Variants in DLL1 observed in about 807,000 individuals in gnomAD.
DLL1 encodes delta-like protein 1.
In DLL1, 9 loss-of-function variants were observed where a neutral mutation model predicts 75.1. The ratio of observed to expected loss-of-function variants is 0.12; its 90% CI spans 0.07 to 0.21. DLL1 has a LOEUF of 0.21. Among genes scored for constraint, DLL1 ranks in the 10% least tolerant of loss-of-function variants. The pLI is 1.00. For missense variants in DLL1, 837 were observed against 1,007.6 expected (o/e 0.83, Z 2.29); for synonymous variants, 477 against 418.3 (o/e 1.14, Z -1.71).
chr6:170,282,662 G>C lies in DLL1; in HGVS notation c.*212C>G, dbSNP rs1473046800. 1.9e-5 allele frequency: 13 copies of C among 696,880 alleles called. No homozygotes were observed. The highest frequency in any genetic ancestry group is 3.3e-5 in the Non-Finnish European group (13 of 395,022). The allele number at this position is 696,880 out of a possible 1,614,324, so 43.2% of individuals were successfully genotyped here. On this transcript the variant is annotated 3_prime_UTR_variant, in exon 11 of 11. Transcript: ENST00000366756. The stretch of plus-strand genomic sequence containing the variant: ...CAACTGTCCATAGTGCAACGGCGAC[G>C]TCACGGAAGGCAGTGCCGCAGGCGG...
chr6:170,285,824 A>G, intron 5 of DLL1, 125 bp from the exon 6 acceptor site: 1 of 1,400,490 alleles, frequency 7.1e-7, no homozygotes, highest in Non-Finnish European at 1.0e-6. Context: ...TTAGCAGAAC[A>G]CTGGGTCACC....
chr6:170,290,780 C>T lies in DLL1; in HGVS notation c.-641G>A, dbSNP rs1054860623. ...TGTCACAGCAAAGATCCGCGTCTTT[C>T]CGATGAATCCAGCCAATGCCATCCA... On this transcript the variant is annotated 5_prime_UTR_variant, in exon 1 of 11. Coordinates refer to ENST00000366756, the MANE Select transcript of DLL1 (RefSeq NM_005618.4). This position sits in a 1 kb window ranked among gnomAD's most constrained non-coding sequence, Gnocchi z 4.7. 6 of 530,778 alleles carry T rather than the reference C, an allele frequency of 1.1e-5. No homozygotes were observed. The highest frequency in any genetic ancestry group is 2.0e-5 in the Non-Finnish European group (6 of 297,778). The allele number at this position is 530,778 out of a possible 1,614,324, so 32.9% of individuals were successfully genotyped here. A position where few individuals can be genotyped will look rare whatever the true frequency, so the allele number is the denominator to read the frequency against.
intron 7 of DLL1, 49 bp downstream of exon 7, chr6:170,285,205 C>G (rs776588190): frequency 6.2e-7 from 1 of 1,613,972 alleles, no homozygotes; most frequent in Non-Finnish European, 8.5e-7. Flanking sequence ...CCATTCAACA[C>G]CAGGGCACCC....
rs1783668023 is a variant in DLL1 at position 170,285,122 on chromosome 6, C to G, written c.1046G>C (p.Ser349Thr). Residue 349 changes from serine (S) to threonine (T), a missense_variant, in exon 8 of 11, where the codon AGC becomes ACC. Physicochemically the swap from Ser to Thr is moderately conservative, Grantham distance 58 (BLOSUM62 1). Transcript: ENST00000366756. ...GCCGGGTGGGCAGGTACAGGAGTAG[C>G]TGTTCTCGAGATCCTACACGATGGA... ...NGGSCTDLEN[S>T]YSCTCPPGFY... is the part of the protein sequence containing the mutation. 1.9e-6 allele frequency: 3 copies of G among 1,613,080 alleles called. No homozygotes were observed. Among genetic ancestry groups the G allele is most frequent in the Non-Finnish European group, 2.5e-6 (3 of 1,179,746 alleles).
intron 5 of DLL1, 75 bp from the exon 6 acceptor site, chr6:170,285,774 C>A: frequency 6.3e-7 from 1 of 1,597,120 alleles, no homozygotes; most frequent in Non-Finnish European, 8.6e-7. Flanking sequence ...ACCCTAGAAA[C>A]CATCTTCCCG....
In DLL1 at chr6:170,289,661, G is replaced by T; in HGVS notation, c.202C>A (p.Gln68Lys). ...GGCGGCTCGGGGGACACGCTGGCCT[G>T]GTAGTGCTTGAGGCACACGCGGAAG... Reference protein sequence around the residue: ...TFFRVCLKHYQASVSPEPPCT... With the variant: ...TFFRVCLKHYKASVSPEPPCT... Residue 68 changes from glutamine (Q) to lysine (K), a missense_variant, in exon 2 of 11, where the codon CAG (glutamine) becomes AAG (lysine). By Grantham distance (53) the Gln-to-Lys change is moderately conservative (BLOSUM62 1). Transcript: ENST00000366756. 1 of 1,542,516 alleles carries T rather than the reference G, an allele frequency of 6.5e-7. No individual in the cohort carries two copies. Among genetic ancestry groups the T allele is most frequent in the Non-Finnish European group, 8.7e-7 (1 of 1,146,476 alleles).
rs971799017 is a variant in DLL1, at chr6:170,290,407, C to T, written c.-268G>A. 6 of 410,410 alleles carry T rather than the reference C, an allele frequency of 1.5e-5. No homozygotes were observed. Among genetic ancestry groups the T allele is most frequent in the Non-Finnish European group, 2.6e-5 (6 of 233,772 alleles). The allele number at this position is 410,410 out of a possible 1,614,324, so 25.4% of individuals were successfully genotyped here. A position where few individuals can be genotyped will look rare whatever the true frequency, so the allele number is the denominator to read the frequency against. ...CAGCTCTCGGGGGACAGCGCGGCGG[C>T]GGCGACTTTCGTTTTCCTCCTTCCT... On this transcript the variant is annotated 5_prime_UTR_variant, in exon 1 of 11. Coordinates refer to ENST00000366756, the MANE Select transcript of DLL1 (RefSeq NM_005618.4). The surrounding 1 kb of genome is among the most constrained non-coding windows in gnomAD (Gnocchi z 4.7).
chr6:170,290,206 CG>C lies in DLL1; in HGVS notation c.-68del. 3.2e-6 allele frequency: 5 copies of C among 1,561,602 alleles called. No individual in the cohort carries two copies. The highest frequency in any genetic ancestry group is 4.3e-6 in the Non-Finnish European group (5 of 1,158,178). Reference sequence around the variant, plus strand: ...TCTCCTTAGAACAGCGGCGGACGCGCGGGGGATCGATGGGCCACGGGGAGCG... The same window carrying C: ...TCTCCTTAGAACAGCGGCGGACGCGCGGGGATCGATGGGCCACGGGGAGCG... On this transcript the variant is annotated 5_prime_UTR_variant, in exon 1 of 11. Transcript: ENST00000366756. This position sits in a 1 kb window ranked among gnomAD's most constrained non-coding sequence, Gnocchi z 4.7.
intron 5 of DLL1, 116 bp from the exon 6 acceptor site, chr6:170,285,815 T>A (rs1213156675): frequency 1.4e-6 from 2 of 1,457,276 alleles, no homozygotes; most frequent in African/African-American, 1.4e-5. Context: ...TTCTCCAGAT[T>A]AGCAGAACAC....
Position 170,284,039 on chromosome 6 carries a change from A to G in DLL1, c.1250-10T>C. 1 of 1,559,420 alleles carries G rather than the reference A, an allele frequency of 6.4e-7. No homozygotes were observed. Among genetic ancestry groups the G allele is most frequent in the Non-Finnish European group, 8.6e-7 (1 of 1,160,594 alleles). ...TCCACACACTTGGCACCTGGAACAC[A>G]GGGACATGAACATCACGTGTCTCCT... On this transcript the variant is annotated splice_polypyrimidine_tract_variant and intron_variant, in intron 8 of 10. Transcript: ENST00000366756.
rs138216897 is a variant in DLL1, at chr6:170,284,974, G to A, written c.1194C>T (p.Ser398=). The A allele has an allele frequency of 1.1e-3, 1,807 of 1,614,162 alleles. 17 individuals carry two copies. The South Asian group carries it at 0.013, about 12-fold the overall frequency. The change falls in exon 8 of 11, where the codon TCC becomes TCT. Residue 398 remains serine, a synonymous_variant. Coordinates refer to ENST00000366756, the MANE Select transcript of DLL1 (RefSeq NM_005618.4). ...CAATTTTCTTCTCACAGTTGAAGCC[G>A]GAGTAGCCCACGGGGCAGCGGCAGC... is the stretch of plus-strand genomic sequence containing the variant. ...GYSCRCPVGY[S]GFNCEKKIDY...
At position 170,283,325 on chromosome 6, in the gene DLL1, TGTC is replaced by T. The variant is rs749115086; in HGVS notation, c.1951_1953del (p.Asp651del). On this transcript the variant is annotated inframe_deletion, in exon 9 of 11. Transcript: ENST00000366756. Reference sequence around the variant, plus strand: ...TTGCTGTGCGCGTCCCTGACGGCGGTGTCGTCACCCTTGAGGTCCTGCACGAGG... The same window carrying T: ...TTGCTGTGCGCGTCCCTGACGGCGGTGTCACCCTTGAGGTCCTGCACGAGG... The T allele has an allele frequency of 3.1e-6, 5 of 1,613,142 alleles. No individual in the cohort carries two copies. The South Asian group carries it at 4.4e-5, about 14-fold the overall frequency.
In DLL1 at chr6:170,283,677, C is replaced by T. The variant is rs112085629; in HGVS notation, c.1602G>A (p.Glu534=). 32 of 1,573,236 alleles carry T rather than the reference C, an allele frequency of 2.0e-5. No individual in the cohort carries two copies. The African/African-American group carries it at 2.4e-4, about 12-fold the overall frequency. ...ATGGCCCGCCCTGGCCCTCTAGCTT[C>T]TCAGTGAGGTCCACCACCGCTGGGC... ...PPGPAVVDLT[E]KLEGQGGPFP... is the part of the protein sequence containing the mutation. The change falls in exon 9 of 11, where the codon GAG becomes GAA. Residue 534 remains glutamate, a synonymous_variant. Transcript: ENST00000366756.
In DLL1 at chr6:170,285,064, C is replaced by T; in HGVS notation, c.1104G>A (p.Met368Ile). 1.2e-6 allele frequency: 2 copies of T among 1,614,182 alleles called. No homozygotes were observed. The highest frequency in any genetic ancestry group is 8.5e-7 in the Non-Finnish European group (1 of 1,180,038). The change falls in exon 8 of 11, where the codon ATG becomes ATA. Residue 368 changes from methionine to isoleucine, a missense_variant. Coordinates refer to ENST00000366756, the MANE Select transcript of DLL1 (RefSeq NM_005618.4). ...FYGKICELSA[M>I]TCADGPCFNG... The stretch of plus-strand genomic sequence containing the variant: ...TAAAGCAAGGGCCGTCCGCACAGGT[C>T]ATGGCACTCAATTCACAGATTTTGC...
In DLL1 at chr6:170,290,055, G is replaced by A. The variant is rs562700561; in HGVS notation, c.54+31C>T. On this transcript the variant is annotated intron_variant, in intron 1 of 10. Coordinates refer to ENST00000366756, the MANE Select transcript of DLL1 (RefSeq NM_005618.4). This position sits in a 1 kb window ranked among gnomAD's most constrained non-coding sequence, Gnocchi z 4.7. ...GCCCCGGCTACCCGTGAGACCCCGC[G>A]GGGCCGCGGCGCCCCCACCTGCCCG... The A allele has an allele frequency of 2.6e-6, 4 of 1,566,500 alleles. No individual in the cohort carries two copies. The highest frequency in any genetic ancestry group is 3.7e-4 in the Middle Eastern group (2 of 5,422).
At chr6:170,283,196 G>A (rs753211947) in intron 9 of DLL1, 35 bp downstream of exon 9, 3 of 1,613,168 alleles carry the variant, frequency 1.9e-6, no homozygotes, top group Non-Finnish European at 2.5e-6. Context: ...CACCCCCCAG[G>A]TACCCCCTCC....
rs1384965214 is a variant in DLL1, at chr6:170,288,442, C to A, written c.467G>T (p.Gly156Val). The A allele has an allele frequency of 6.2e-7, 1 of 1,614,028 alleles. No individual in the cohort carries two copies. The highest frequency in any genetic ancestry group is 8.5e-7 in the Non-Finnish European group (1 of 1,180,038). ...GTGCAGGTCCTGGGACCACTCCTCG[C>A]CCACCGTCAGGTGCCTCTGGGTGGC... Reference protein sequence around the residue: ...RLATQRHLTVGEEWSQDLHSS... With the variant: ...RLATQRHLTVVEEWSQDLHSS... The change falls in exon 4 of 11, where the codon GGC becomes GTC. Residue 156 changes from glycine (G) to valine (V), a missense_variant. This residue lies in a region of DLL1 where 304 missense variants were observed against 461.9 expected (regional missense o/e 0.66). Coordinates refer to ENST00000366756, the MANE Select transcript of DLL1 (RefSeq NM_005618.4).
intron 4 of DLL1, among the ~76,000 whole-genome samples, chr6:170,286,630 C>T (rs1783700300): frequency 6.6e-6 from 1 of 151,970 alleles, no homozygotes; most frequent in Admixed American, 6.6e-5. Flanking sequence ...AAAGCTCCAC[C>T]TCTTAATATC....
In DLL1 at chr6:170,284,055, C is replaced by T. The variant is rs376384629; in HGVS notation, c.1250-26G>A. The T allele has an allele frequency of 6.5e-6, 10 of 1,543,248 alleles. No individual in the cohort carries two copies. In the African/African-American group the frequency reaches 6.8e-5, roughly 11 times the overall value. ...CTGGAACACAGGGACATGAACATCA[C>T]GTGTCTCCTCGTAGGTTTGTTCACC... On this transcript the variant is annotated intron_variant, in intron 8 of 10. Transcript: ENST00000366756.
Sources: allele counts gnomAD v4.1 joint callset (sites outside exome capture counted in the v4.1 genomes callset), GRCh38; gene constraint gnomAD v4.1.1; regional missense constraint gnomAD v4.1.1; non-coding constraint Gnocchi (gnomAD v3.1); transcripts MANE v1.5; gene names NCBI Gene and HGNC (gene_info 2026-07-23, HGNC 2026-07-21).